MAGI2: variants seen among roughly 807,000 people sequenced by gnomAD.
MAGI2 encodes the protein membrane-associated guanylate kinase, WW and PDZ domain-containing protein 2.
Under a neutral mutation model 133.3 loss-of-function variants are expected in MAGI2, and 35 were observed. The observed-to-expected ratio is 0.26, with a 90% CI of 0.20 to 0.35. MAGI2 has a LOEUF of 0.35. MAGI2 is among the 10% of genes least tolerant of loss of function. The pLI, the probability that MAGI2 is intolerant of heterozygous loss-of-function variation, is 1.00. For missense variants in MAGI2, 1,636 were observed against 1,863.4 expected, an observed-to-expected ratio of 0.88 and a Z score of 2.25; for synonymous variants, 729 against 710.6, an observed-to-expected ratio of 1.03 and a Z score of -0.41.
chr7:78,509,831 A>G (rs537308998), intron 4 of MAGI2, among the ~76,000 whole-genome samples: 1 of 152,328 alleles, frequency 6.6e-6, no homozygotes, highest in African/African-American at 2.4e-5. Flanking sequence ...GTATACAGTT[A>G]ACATGCAGCT....
intron 1 of MAGI2, among the ~76,000 whole-genome samples, chr7:79,214,443 A>ATG (rs1829828043): frequency 9.3e-6 from 1 of 107,996 alleles, no homozygotes; most frequent in Admixed American, 1.0e-4. Flanking sequence ...ATATATATAT[A>ATG]AATATGCACA....
intron 2 of MAGI2, chr7:78,940,364 T>A (rs2151677542): frequency 6.6e-6 from 1 of 152,294 alleles, no homozygotes; most frequent in East Asian, 1.9e-4. Flanking sequence ...TATGTCTGCT[T>A]GTGAGGCCAA....
chr7:78,942,312 C>T (rs1043909666), intron 2 of MAGI2, among the ~76,000 whole-genome samples: 7 of 151,824 alleles, frequency 4.6e-5, no homozygotes, highest in African/African-American at 1.5e-4. Flanking sequence ...AAAGTTTATC[C>T]CCATTATTCC....
intron 20 of MAGI2, among the ~76,000 whole-genome samples, chr7:78,113,947 C>A (rs2150476122): frequency 6.6e-6 from 1 of 152,308 alleles, no homozygotes; most frequent in South Asian, 2.1e-4. Flanking sequence ...GACAAGCTAT[C>A]ATTCCACTAA....
chr7:78,540,766 G>A (rs1438541698), intron 3 of MAGI2, among the ~76,000 whole-genome samples: 1 of 152,150 alleles, frequency 6.6e-6, no homozygotes, highest in Non-Finnish European at 1.5e-5. Context: ...GGGGCCGGGA[G>A]TGCCTACAGG....
At chr7:78,265,869 C>G (rs1486543341) in intron 9 of MAGI2, among the ~76,000 whole-genome samples, 1 of 152,196 alleles carries the variant, frequency 6.6e-6, no homozygotes, top group Non-Finnish European at 1.5e-5. Context: ...ATCTTTTGAC[C>G]TTACTCCAAC....
intron 2 of MAGI2, among the ~76,000 whole-genome samples, chr7:78,962,666 T>G (rs1389082375): frequency 6.6e-6 from 1 of 152,016 alleles, no homozygotes; most frequent in East Asian, 1.9e-4. Flanking sequence ...TAATAATTTC[T>G]GGATAATATA....
chr7:78,577,201 C>T (rs1802358042), intron 3 of MAGI2, among the ~76,000 whole-genome samples: 1 of 151,864 alleles, frequency 6.6e-6, no homozygotes, highest in Non-Finnish European at 1.5e-5. Context: ...TAAATAGGTG[C>T]TACTAATTTT....
chr7:78,589,362 C>G (rs1803753107), intron 3 of MAGI2, among the ~76,000 whole-genome samples: 1 of 152,158 alleles, frequency 6.6e-6, no homozygotes, highest in Admixed American at 6.5e-5. Context: ...AGAAGCTAAA[C>G]AGCTTGTCCA....
At chr7:79,339,730 A>C (rs1840750726) in intron 1 of MAGI2, among the ~76,000 whole-genome samples, 1 of 151,992 alleles carries the variant, frequency 6.6e-6, no homozygotes, top group African/African-American at 2.4e-5. Flanking sequence ...GGCACATTCT[A>C]TATTGTTTGT....
At chr7:78,633,052 C>A (rs1413907312) in intron 2 of MAGI2, among the ~76,000 whole-genome samples, 2 of 152,194 alleles carry the variant, frequency 1.3e-5, no homozygotes, top group Non-Finnish European at 2.9e-5. Context: ...CCATGGAATA[C>A]GATGCAATCG....
chr7:78,629,652 C>A (rs38120), intron 2 of MAGI2, among the ~76,000 whole-genome samples: 102,407 of 151,934 alleles, frequency 0.67, 34,975 homozygotes, highest in Middle Eastern at 0.8. Context: ...CAAAGTACTC[C>A]ACAAATTCAG....
intron 7 of MAGI2, among the ~76,000 whole-genome samples, chr7:78,361,279 A>G (rs529455753): frequency 6.6e-6 from 1 of 151,982 alleles, no homozygotes; most frequent in Non-Finnish European, 1.5e-5. Context: ...CTGTAATCCC[A>G]GCTACTTGGG....
intron 2 of MAGI2, among the ~76,000 whole-genome samples, chr7:78,980,309 CAAAGT>C (rs1804669466): frequency 6.6e-6 from 1 of 151,756 alleles, no homozygotes; most frequent in African/African-American, 2.4e-5. Context: ...ATTACACAAA[CAAAGT>C]AGAGTTAACA....
At position 79,265,339 on chromosome 7, in the gene MAGI2, C is replaced by G. The variant is rs557164062; in HGVS notation, c.301+187681G>C. ...AAAGTTTGAGGACGACTGCTCTGTA[C>G]TGCTATACTGCACTACCTCTTCCCA... On this transcript the variant is annotated intron_variant, in intron 1 of 21. Coordinates refer to ENST00000354212, the MANE Select transcript of MAGI2 (RefSeq NM_012301.4). Among the ~76,000 whole-genome samples, 6 of 152,280 alleles carry G rather than the reference C, an allele frequency of 3.9e-5. No individual in the cohort carries two copies. The South Asian group carries it at 1.2e-3, about 32-fold the overall frequency.
chr7:78,216,201 G>A (rs1293015885), intron 10 of MAGI2, among the ~76,000 whole-genome samples: 1 of 152,190 alleles, frequency 6.6e-6, no homozygotes, highest in East Asian at 1.9e-4. Context: ...CTGTGCCATA[G>A]CAATTCAAGT....
intron 12 of MAGI2, 43 bp downstream of exon 12, chr7:78,194,831 A>T: frequency 6.9e-7 from 1 of 1,458,554 alleles, no homozygotes; most frequent in Non-Finnish European, 9.2e-7. Flanking sequence ...GCAGGGCCTC[A>T]GCTATTATTA....
intron 2 of MAGI2, among the ~76,000 whole-genome samples, chr7:78,656,953 T>C (rs1388659142): frequency 6.7e-6 from 1 of 149,214 alleles, no homozygotes; most frequent in Non-Finnish European, 1.5e-5. Flanking sequence ...CAAAGAACTC[T>C]TAAAACTCAA....
At chr7:78,737,679 AAAT>A (rs1821999051) in intron 2 of MAGI2, among the ~76,000 whole-genome samples, 1 of 152,196 alleles carries the variant, frequency 6.6e-6, no homozygotes, top group African/African-American at 2.4e-5. Flanking sequence ...AAAAAATATA[AAAT>A]AATACATTCT....
Sources: gnomAD v4.1 joint callset for allele counts (sites outside exome capture counted in the v4.1 genomes callset) on GRCh38, gnomAD v4.1.1 for gene constraint, MANE v1.5 for transcripts, NCBI Gene and HGNC (gene_info 2026-07-23, HGNC 2026-07-21) for gene names.